GRM5: variants seen among roughly 807,000 people sequenced by gnomAD.
GRM5 encodes the protein glutamate metabotropic receptor 5.
A neutral mutation model predicts 83.1 loss-of-function variants in GRM5; 19 were observed. That is an observed-to-expected ratio of 0.23 (90% CI 0.16 to 0.34). The LOEUF is 0.34. Ranked by LOEUF, GRM5 falls within the 10% of genes least tolerant of loss-of-function variation. The probability of loss-of-function intolerance (pLI) is 1.00; values close to 1 mark genes in which losing one functional copy is unlikely to be tolerated. For missense variants in GRM5, 1,160 were observed against 1,588.3 expected (o/e 0.73, Z 4.58); for synonymous variants, 675 against 633.6 (o/e 1.07, Z -0.98).
chr11:88,588,484 G>A (rs987932339), intron 7 of GRM5, among the ~76,000 whole-genome samples: 5 of 151,986 alleles, frequency 3.3e-5, no homozygotes, highest in African/African-American at 1.2e-4. Flanking sequence ...GAATAAATTG[G>A]AAAGTTACTG....
chr11:88,744,578 T>A (rs1283014214), intron 3 of GRM5, among the ~76,000 whole-genome samples: 1 of 152,128 alleles, frequency 6.6e-6, no homozygotes, highest in African/African-American at 2.4e-5. Flanking sequence ...AATCCCTACA[T>A]GAACCTTGAA....
chr11:88,559,334 C>T (rs897905393), intron 8 of GRM5, among the ~76,000 whole-genome samples: 5 of 152,130 alleles, frequency 3.3e-5, no homozygotes, highest in African/African-American at 4.8e-5. Flanking sequence ...TTAGGGCTGC[C>T]ATGTTTGTCA....
chr11:89,046,437 T>G (rs192411437), intron 2 of GRM5, among the ~76,000 whole-genome samples: 1 of 152,222 alleles, frequency 6.6e-6, no homozygotes, highest in East Asian at 1.9e-4. Flanking sequence ...TCACAACCTC[T>G]GTAGGTCAAA....
At chr11:88,925,490 T>C (rs1169024958) in intron 2 of GRM5, among the ~76,000 whole-genome samples, 1 of 152,112 alleles carries the variant, frequency 6.6e-6, no homozygotes, top group Non-Finnish European at 1.5e-5. Context: ...CATAACCTTA[T>C]TCACCATCAG....
Position 88,508,700 on chromosome 11 carries a change from G to T in GRM5, c.3531C>A (p.Ser1177Arg). 6.2e-7 allele frequency: 1 copy of T among 1,603,704 alleles called. No individual in the cohort carries two copies. The highest frequency in any genetic ancestry group is 8.5e-7 in the Non-Finnish European group (1 of 1,175,364). ...CGGACACTGGCGAGTTGGGGGTTGT[G>T]CTCCCCGAGTCCACCGAGTCTCTGA... is the stretch of plus-strand genomic sequence containing the variant. ...SPFRDSVDSG[S>R]TTPNSPVSES... The change falls in exon 10 of 10, where the codon AGC becomes AGA. Residue 1177 changes from serine to arginine, a missense_variant. Physicochemically the swap from Ser to Arg is moderately radical, Grantham distance 110 (BLOSUM62 -1). This residue lies in a region of GRM5 where 562 missense variants were observed against 532.4 expected (regional missense o/e 1.06). Transcript: ENST00000305447. This position sits in a 1 kb window ranked among gnomAD's most constrained non-coding sequence, Gnocchi z 4.2.
Position 89,047,503 on chromosome 11 carries a change from C to T in GRM5, c.370G>A (p.Glu124Lys). 1 of 1,614,232 alleles carries T rather than the reference C, an allele frequency of 6.2e-7. No individual in the cohort carries two copies. Among genetic ancestry groups the T allele is most frequent in the Non-Finnish European group, 8.5e-7 (1 of 1,180,040 alleles). The change falls in exon 2 of 10, where the codon GAA (glutamate) becomes AAA (lysine). Residue 124 changes from glutamate to lysine, a missense_variant. Around this residue, in one of 9 missense-constraint regions of GRM5, gnomAD observed 39 missense variants for 36.7 expected, o/e 1.06. Coordinates refer to ENST00000305447, the MANE Select transcript of GRM5 (RefSeq NM_001143831.3). This position sits in a 1 kb window ranked among gnomAD's most constrained non-coding sequence, Gnocchi z 5.1. ...CCATCCACACAGCGTACCAAGCCTT[C>T]TTCCTCTTCTGAAGAAATGAGGGAA... ...RDSLISSEEEEGLVRCVDGSS... is the reference protein window; with the variant it reads ...RDSLISSEEEKGLVRCVDGSS...
chr11:88,722,884 GTTTAC>G (rs147132565), intron 3 of GRM5, among the ~76,000 whole-genome samples: 15,691 of 151,876 alleles, frequency 0.1, 1,634 homozygotes, highest in African/African-American at 0.27. Flanking sequence ...GAAGTCTATA[GTTTAC>G]TTTAGGGTTC....
chr11:88,659,331 T>C (rs1939845655), intron 3 of GRM5, among the ~76,000 whole-genome samples: 1 of 152,196 alleles, frequency 6.6e-6, no homozygotes, highest in Non-Finnish European at 1.5e-5. Context: ...CTCTCACATT[T>C]CTTTTTCTCC....
At chr11:88,541,382 A>C (rs1474506070) in intron 8 of GRM5, among the ~76,000 whole-genome samples, 1 of 152,230 alleles carries the variant, frequency 6.6e-6, no homozygotes, top group Non-Finnish European at 1.5e-5. Flanking sequence ...AAGCTAATGC[A>C]TGAAGTTAAG....
At chr11:88,658,472 T>G (rs929537863) in intron 3 of GRM5, among the ~76,000 whole-genome samples, 2 of 152,116 alleles carry the variant, frequency 1.3e-5, no homozygotes, top group African/African-American at 4.8e-5. Flanking sequence ...CACTGTGTGT[T>G]GAAATTGTAT....
intron 2 of GRM5, among the ~76,000 whole-genome samples, chr11:88,928,464 GTATATATATATA>G (rs61573444): frequency 8.6e-6 from 1 of 115,790 alleles, no homozygotes; most frequent in Non-Finnish European, 1.8e-5. Context: ...GTGTGTGTGT[GTATATATATATA>G]TATATATGTA....
intron 3 of GRM5, among the ~76,000 whole-genome samples, chr11:88,665,162 T>TACACACACAC (rs1214459891): frequency 0.07 from 9,843 of 140,906 alleles, 487 homozygotes; most frequent in African/African-American, 0.14. Flanking sequence ...TTAATTTATT[T>TACACACACAC]ACACACACAC....
At chr11:88,777,925 A>T (rs1942891780) in intron 3 of GRM5, among the ~76,000 whole-genome samples, 1 of 152,172 alleles carries the variant, frequency 6.6e-6, no homozygotes, top group Non-Finnish European at 1.5e-5. Flanking sequence ...GACCCACTTA[A>T]GGAGGCAGTC....
intron 3 of GRM5, among the ~76,000 whole-genome samples, chr11:88,778,327 C>G (rs1256278061): frequency 1.3e-5 from 2 of 152,216 alleles, no homozygotes; most frequent in African/African-American, 4.8e-5. Flanking sequence ...AGTATTTTGG[C>G]AGGAGTGTCC....
intron 2 of GRM5, among the ~76,000 whole-genome samples, chr11:88,992,988 A>C (rs1435467685): frequency 6.6e-6 from 1 of 152,028 alleles, no homozygotes; most frequent in Non-Finnish European, 1.5e-5. Flanking sequence ...CACGTTGTGC[A>C]CATGTACCCT....
intron 2 of GRM5, among the ~76,000 whole-genome samples, chr11:88,915,310 A>C (rs1945570337): frequency 1.3e-5 from 2 of 152,172 alleles, no homozygotes. Flanking sequence ...GGTGGTTTAT[A>C]AAACAAAATG....
At chr11:88,985,673 C>A (rs1237666733) in intron 2 of GRM5, among the ~76,000 whole-genome samples, 1 of 152,124 alleles carries the variant, frequency 6.6e-6, no homozygotes, top group African/African-American at 2.4e-5. Flanking sequence ...TTGGTGTCCC[C>A]AAGACACTTT....
chr11:88,606,665 T>G (rs2135234524), intron 4 of GRM5, among the ~76,000 whole-genome samples: 1 of 152,210 alleles, frequency 6.6e-6, no homozygotes, highest in South Asian at 2.1e-4. Flanking sequence ...TGGAGAAAGG[T>G]TTAAAGGGCT....
At chr11:88,619,527 C>G (rs754860503) in intron 4 of GRM5, among the ~76,000 whole-genome samples, 1 of 152,066 alleles carries the variant, frequency 6.6e-6, no homozygotes, top group Non-Finnish European at 1.5e-5. Context: ...AAAATAAGAC[C>G]AAGAGGACTT....
Sources: allele counts gnomAD v4.1 joint callset (sites outside exome capture counted in the v4.1 genomes callset), GRCh38; gene constraint gnomAD v4.1.1; regional missense constraint gnomAD v4.1.1; non-coding constraint Gnocchi (gnomAD v3.1); transcripts MANE v1.5; gene names NCBI Gene and HGNC (gene_info 2026-07-23, HGNC 2026-07-21).